The following RANBP2 variants were observed in gnomAD, a reference collection of about 807,000 sequenced individuals.
RANBP2 encodes the protein E3 SUMO-protein ligase RanBP2.
RANBP2 carries 57 observed loss-of-function variants against 303.6 expected under a neutral mutation model. The observed-to-expected ratio is 0.19, with a 90% CI of 0.15 to 0.23. The LOEUF is 0.23. RANBP2 is among the 10% of genes least tolerant of loss of function. The probability of loss-of-function intolerance (pLI) is 1.00; values close to 1 mark genes in which losing one functional copy is unlikely to be tolerated. For synonymous variants in RANBP2, 1,167 were observed against 1,301.5 expected, an observed-to-expected ratio of 0.90 and a Z score of 2.23; for missense variants, 3,138 against 3,780.8, an observed-to-expected ratio of 0.83 and a Z score of 4.46.
At chr2:108,879,012 TA>T in the RANBP2 span, among the ~76,000 whole-genome samples, 1 of 141,014 alleles carries the variant, frequency 7.1e-6, no homozygotes, top group Non-Finnish European at 1.6e-5. Flanking sequence ...GTTTAAAAAT[TA>T]TAAGTTCTTT....
At chr2:109,152,993 GT>G in the RANBP2 span, among the ~76,000 whole-genome samples, 1 of 152,214 alleles carries the variant, frequency 6.6e-6, no homozygotes, top group Non-Finnish European at 1.5e-5. Context: ...ATGCAGCTGA[GT>G]TTGAGCCTGT....
the RANBP2 span, among the ~76,000 whole-genome samples, chr2:109,630,451 TC>T: frequency 2.0e-5 from 3 of 152,256 alleles, no homozygotes; most frequent in African/African-American, 7.2e-5. Flanking sequence ...AATTATCCGC[TC>T]TAGCCAATCC....
chr2:109,765,300 C>T, the RANBP2 span, among the ~76,000 whole-genome samples: 2 of 147,820 alleles, frequency 1.4e-5, no homozygotes, highest in African/African-American at 5.0e-5. Context: ...CATGCATACA[C>T]GTAAGTGAAA....
At chr2:109,654,318 G>A in the RANBP2 span, among the ~76,000 whole-genome samples, 1 of 151,826 alleles carries the variant, frequency 6.6e-6, no homozygotes. Flanking sequence ...TAGGTTTGGG[G>A]TCTAGTCCTC....
chr2:109,351,752 G>A, the RANBP2 span, among the ~76,000 whole-genome samples: 7 of 152,202 alleles, frequency 4.6e-5, no homozygotes, highest in Admixed American at 4.6e-4. Flanking sequence ...TCCCTACCAG[G>A]TGTGCCATGT....
At chr2:108,842,687 A>G in the RANBP2 span, among the ~76,000 whole-genome samples, 2 of 152,196 alleles carry the variant, frequency 1.3e-5, no homozygotes, top group African/African-American at 2.4e-5. Context: ...TAAGGCAGAT[A>G]TCTGAATCAA....
chr2:108,798,600 CTTTGAT>C, the RANBP2 span: 3 of 1,557,350 alleles, frequency 1.9e-6, no homozygotes, highest in Non-Finnish European at 2.6e-6. Context: ...ACTATATAGC[CTTTGAT>C]TTTAGAGTGG....
chr2:108,864,123 T>A, the RANBP2 span, among the ~76,000 whole-genome samples: 1 of 152,116 alleles, frequency 6.6e-6, no homozygotes. Flanking sequence ...TAAGTTTGTG[T>A]TATATAGCAT....
At chr2:109,159,850 C>T in the RANBP2 span, among the ~76,000 whole-genome samples, 22 of 152,164 alleles carry the variant, frequency 1.4e-4, no homozygotes, top group African/African-American at 5.1e-4. Flanking sequence ...CACTGTCTTC[C>T]GTCACCCTCA....
At chr2:109,737,767 A>G in the RANBP2 span, among the ~76,000 whole-genome samples, 1 of 152,120 alleles carries the variant, frequency 6.6e-6, no homozygotes, top group African/African-American at 2.4e-5. Flanking sequence ...GGTAATAGCT[A>G]TCTTAACTGG....
At chr2:109,127,802 T>C in the RANBP2 span, 1 of 152,254 alleles carries the variant, frequency 6.6e-6, no homozygotes, top group South Asian at 2.1e-4. Context: ...TGAGCCGTGA[T>C]AGCACCCCGC....
the RANBP2 span, among the ~76,000 whole-genome samples, chr2:109,086,567 T>G: frequency 6.6e-6 from 1 of 152,248 alleles, no homozygotes; most frequent in African/African-American, 2.4e-5. Context: ...CTTGGGTGTG[T>G]CAGACTTCCC....
chr2:109,371,601 G>A, the RANBP2 span: 1 of 1,614,036 alleles, frequency 6.2e-7, no homozygotes. Context: ...GATTCTGACG[G>A]TGCTCAGGAG....
At chr2:109,146,632 T>G in the RANBP2 span, among the ~76,000 whole-genome samples, 3 of 152,188 alleles carry the variant, frequency 2.0e-5, no homozygotes, top group African/African-American at 7.2e-5. Context: ...GCACCATGGG[T>G]GGCTGACTGA....
At chr2:108,934,879 C>T in the RANBP2 span, among the ~76,000 whole-genome samples, 5 of 152,292 alleles carry the variant, frequency 3.3e-5, no homozygotes, top group South Asian at 4.1e-4. Flanking sequence ...ACCAAAGCAG[C>T]GTGGAAATGT....
At chr2:109,472,700 A>G in the RANBP2 span, among the ~76,000 whole-genome samples, 1 of 152,226 alleles carries the variant, frequency 6.6e-6, no homozygotes, top group Non-Finnish European at 1.5e-5. Context: ...GACATCCTTC[A>G]GAAGGAGGCC....
the RANBP2 span, among the ~76,000 whole-genome samples, chr2:109,743,251 G>A: frequency 6.8e-6 from 1 of 147,830 alleles, no homozygotes. Context: ...AGCCTGGGTG[G>A]CAGAGCAAGA....
chr2:109,036,096 A>T, the RANBP2 span, among the ~76,000 whole-genome samples: 1 of 151,868 alleles, frequency 6.6e-6, no homozygotes, highest in Non-Finnish European at 1.5e-5. Flanking sequence ...AAGAAAACTT[A>T]AGAGAACTTA....
the RANBP2 span, chr2:108,896,881 G>C: frequency 7.5e-6 from 12 of 1,600,572 alleles, no homozygotes; most frequent in Non-Finnish European, 1.0e-5. Flanking sequence ...GGCTTGTCCT[G>C]GGAGGACAGC....
Sources: gnomAD v4.1 joint callset for allele counts (sites outside exome capture counted in the v4.1 genomes callset) on GRCh38, gnomAD v4.1.1 for gene constraint, MANE v1.5 for transcripts, NCBI Gene and HGNC (gene_info 2026-07-23, HGNC 2026-07-21) for gene names.